TMEM117: variants seen among roughly 807,000 people sequenced by gnomAD.
TMEM117 encodes the protein transmembrane protein 117.
Under a neutral mutation model 52.4 loss-of-function variants are expected in TMEM117, and 27 were observed. The ratio of observed to expected loss-of-function variants is 0.51; its 90% confidence interval spans 0.38 to 0.71. TMEM117 has a LOEUF of 0.71. Among genes scored for constraint, TMEM117 ranks in the 30% least tolerant of loss-of-function variants. The pLI, the probability that TMEM117 is intolerant of heterozygous loss-of-function variation, is 0.00. For synonymous variants in TMEM117, 215 were observed against 206.3 expected, an observed-to-expected ratio of 1.04 and a Z score of -0.36; for missense variants, 556 against 630.5, an observed-to-expected ratio of 0.88 and a Z score of 1.26.
chr12:44,366,919 T>C (rs986263692), intron 6 of TMEM117, among the ~76,000 whole-genome samples: 1 of 152,086 alleles, frequency 6.6e-6, no homozygotes, highest in East Asian at 1.9e-4. Context: ...TAACTACTGG[T>C]ACAGCAGTGG....
intron 3 of TMEM117, among the ~76,000 whole-genome samples, chr12:44,027,909 C>T (rs1435632060): frequency 6.6e-6 from 1 of 152,122 alleles, no homozygotes; most frequent in African/African-American, 2.4e-5. Context: ...TATTTACTGT[C>T]AAAAAGCTGT....
At chr12:44,126,228 T>C (rs575844297) in intron 3 of TMEM117, among the ~76,000 whole-genome samples, 2 of 152,208 alleles carry the variant, frequency 1.3e-5, no homozygotes, top group Non-Finnish European at 2.9e-5. Context: ...GATTAACATA[T>C]GAATGCATGT....
At chr12:43,877,475 A>T (rs1307296716) in intron 2 of TMEM117, among the ~76,000 whole-genome samples, 1 of 151,848 alleles carries the variant, frequency 6.6e-6, no homozygotes, top group East Asian at 1.9e-4. Context: ...CTCTACTAAA[A>T]ATACAAAAAA....
chr12:44,134,694 T>A (rs1483097216), intron 3 of TMEM117, among the ~76,000 whole-genome samples: 2 of 152,208 alleles, frequency 1.3e-5, no homozygotes, highest in Non-Finnish European at 2.9e-5. Context: ...CAATTTAGTG[T>A]CATTTATTTC....
chr12:43,806,033 G>A, the TMEM117 span: 2 of 1,520,964 alleles, frequency 1.3e-6, no homozygotes, highest in South Asian at 1.2e-5. Flanking sequence ...GGACCGGGCT[G>A]GAGGAGGACG....
rs189452085 is a variant in TMEM117, at chr12:44,107,653, A to C, written c.411-35872A>C. On this transcript the variant is annotated intron_variant, in intron 3 of 7. Coordinates refer to ENST00000266534, the MANE Select transcript of TMEM117 (RefSeq NM_032256.3). ...CGACTATTTCTAATGAAGAATATAT[A>C]AAATATTTCAATGGTATTTAATCAG... 1.8e-3 allele frequency among the ~76,000 whole-genome samples: 268 copies of C among 152,280 alleles called. 2 individuals carry two copies. The highest frequency in any genetic ancestry group is 6.2e-3 in the African/African-American group (258 of 41,558).
At chr12:43,996,478 C>G (rs1024430671) in intron 3 of TMEM117, among the ~76,000 whole-genome samples, 20 of 151,928 alleles carry the variant, frequency 1.3e-4, no homozygotes, top group African/African-American at 4.6e-4. Flanking sequence ...CCTGTCTCTA[C>G]TAAAAATACA....
chr12:44,093,896 G>T (rs976001081), intron 3 of TMEM117, among the ~76,000 whole-genome samples: 2 of 151,952 alleles, frequency 1.3e-5, no homozygotes, highest in Non-Finnish European at 2.9e-5. Flanking sequence ...GCATATCATT[G>T]TGCATGATTT....
chr12:43,855,274 T>A (rs1469434762), intron 2 of TMEM117, among the ~76,000 whole-genome samples: 2 of 151,942 alleles, frequency 1.3e-5, no homozygotes, highest in Non-Finnish European at 2.9e-5. Context: ...TTTTCTTTTT[T>A]TTTTTGAGAT....
chr12:43,838,979 A>G (rs1194069238), intron 1 of TMEM117, among the ~76,000 whole-genome samples: 1 of 152,174 alleles, frequency 6.6e-6, no homozygotes, highest in Admixed American at 6.5e-5. Context: ...TCTTCATCTC[A>G]GGAAATGCAT....
intron 5 of TMEM117, among the ~76,000 whole-genome samples, chr12:44,235,199 T>C (rs1296090730): frequency 6.6e-6 from 1 of 151,240 alleles, no homozygotes; most frequent in African/African-American, 2.4e-5. Flanking sequence ...TCTAGATATA[T>C]TTTTTTGACT....
chr12:44,241,405 C>A (rs1241131477), intron 5 of TMEM117, among the ~76,000 whole-genome samples: 2 of 151,580 alleles, frequency 1.3e-5, no homozygotes, highest in African/African-American at 4.8e-5. Context: ...CATAGTGATT[C>A]CTTGTTGTTT....
chr12:44,096,844 A>C (rs554847750), intron 3 of TMEM117, among the ~76,000 whole-genome samples: 82 of 152,036 alleles, frequency 5.4e-4, no homozygotes, highest in South Asian at 1.2e-3. Context: ...CAATGGCAAC[A>C]AAAGACAAAA....
At chr12:43,920,997 A>G (rs1347129574) in intron 2 of TMEM117, among the ~76,000 whole-genome samples, 1 of 151,886 alleles carries the variant, frequency 6.6e-6, no homozygotes, top group Non-Finnish European at 1.5e-5. Flanking sequence ...TTTACTTATC[A>G]TTTATATCTG....
intron 3 of TMEM117, among the ~76,000 whole-genome samples, chr12:43,962,972 A>T (rs1478130922): frequency 2.0e-5 from 3 of 151,820 alleles, no homozygotes; most frequent in Non-Finnish European, 2.9e-5. Flanking sequence ...TCCTAGGCAT[A>T]TTGAAAAGCA....
chr12:44,069,717 T>A (rs1947272928), intron 3 of TMEM117, among the ~76,000 whole-genome samples: 1 of 152,250 alleles, frequency 6.6e-6, no homozygotes, highest in Non-Finnish European at 1.5e-5. Flanking sequence ...CTGGCTTCTA[T>A]CCCTATTTCA....
At chr12:44,070,170 C>T (rs998444843) in intron 3 of TMEM117, among the ~76,000 whole-genome samples, 17 of 152,174 alleles carry the variant, frequency 1.1e-4, no homozygotes, top group Admixed American at 5.2e-4. Context: ...GGATTACAGG[C>T]GTGAGCCACC....
chr12:44,009,173 TTG>T (rs1946249817), intron 3 of TMEM117: 1 of 275,686 alleles, frequency 3.6e-6, no homozygotes, highest in Non-Finnish European at 7.1e-6. Flanking sequence ...TTTCTGTACC[TTG>T]TGTATATCAC....
intron 3 of TMEM117, among the ~76,000 whole-genome samples, chr12:43,989,239 G>A (rs1272997341): frequency 6.6e-6 from 1 of 151,974 alleles, no homozygotes; most frequent in African/African-American, 2.4e-5. Context: ...TATATTTCTG[G>A]GACAGGTTTT....
Sources: gnomAD v4.1 joint callset for allele counts (sites outside exome capture counted in the v4.1 genomes callset) on GRCh38, gnomAD v4.1.1 for gene constraint, MANE v1.5 for transcripts, NCBI Gene and HGNC (gene_info 2026-07-23, HGNC 2026-07-21) for gene names.